WASHC5: variants seen among roughly 807,000 people sequenced by gnomAD.
WASHC5 encodes WASH complex subunit strumpellin.
WASHC5 carries 101 observed loss-of-function variants against 150.4 expected under a neutral mutation model. The ratio of observed to expected loss-of-function variants is 0.67; its 90% CI spans 0.57 to 0.79. The LOEUF is 0.79. Among genes scored for constraint, WASHC5 ranks in the 30% least tolerant of loss-of-function variants. The pLI, the probability that WASHC5 is intolerant of heterozygous loss-of-function variation, is 0.00. For synonymous variants in WASHC5, 467 were observed against 491.2 expected (o/e 0.95, Z 0.65); for missense variants, 1,195 against 1,396.3 (o/e 0.86, Z 2.30).
rs1333249404 is a variant in WASHC5 at position 125,037,414 on chromosome 8, TC to T, written c.3085-82del. The T allele has an allele frequency of 4.5e-6, 4 of 882,948 alleles. No homozygotes were observed. The Admixed American group carries it at 7.1e-5, about 16-fold the overall frequency. The allele number at this position is 882,948 out of a possible 1,614,324, so 54.7% of individuals were successfully genotyped here. A position where few individuals can be genotyped will look rare whatever the true frequency, so the allele number is the denominator to read the frequency against. On this transcript the variant is annotated intron_variant, in intron 25 of 28. Coordinates refer to ENST00000318410, the MANE Select transcript of WASHC5 (RefSeq NM_014846.4). ...AGAACAGGTTTCCAAATGAAAATCTTCCATTTTACTTCAATTTGCTCTTTGG... is the reference window on the plus strand; with the variant it reads ...AGAACAGGTTTCCAAATGAAAATCTTCATTTTACTTCAATTTGCTCTTTGG...
intron 2 of WASHC5, 88 bp from the exon 3 acceptor site, chr8:125,083,346 T>C: frequency 7.8e-7 from 1 of 1,277,430 alleles, no homozygotes; most frequent in Admixed American, 1.9e-5. Context: ...TTTGTTCTTA[T>C]GTTATTAGAC....
chr8:125,088,262 T>C (rs1817477572), intron 1 of WASHC5, among the ~76,000 whole-genome samples: 1 of 144,898 alleles, frequency 6.9e-6, no homozygotes, highest in Admixed American at 6.7e-5. Flanking sequence ...CCGGCTCTAC[T>C]AAAAATACAA....
intron 1 of WASHC5, among the ~76,000 whole-genome samples, chr8:125,090,666 C>G (rs1257413423): frequency 1.3e-5 from 2 of 152,202 alleles, no homozygotes; most frequent in East Asian, 3.8e-4. Flanking sequence ...CATCCTTACA[C>G]CAATTACCCT....
chr8:125,087,032 C>G (rs535490724), intron 1 of WASHC5, among the ~76,000 whole-genome samples: 2 of 152,170 alleles, frequency 1.3e-5, no homozygotes, highest in Admixed American at 6.5e-5. Context: ...TTCCCAATTC[C>G]TAATGCACAG....
rs2891636 is a variant in WASHC5, at chr8:125,082,257, A to G, written c.417+126T>C. ...ATATGGACCTGCCAGTTAGAAGATA[A>G]TTAAAAGCTCATTTCGCTTCTCTTT... On this transcript the variant is annotated intron_variant, in intron 4 of 28. Transcript: ENST00000318410. 0.07 allele frequency: 45,961 copies of G among 658,868 alleles called. 5,080 individuals carry two copies. The highest frequency in any genetic ancestry group is 0.38 in the African/African-American group (20,589 of 54,630). 40.8% of individuals were successfully genotyped at this position (658,868 alleles called of 1,614,324 possible). A position where few individuals can be genotyped will look rare whatever the true frequency, so the allele number is the denominator to read the frequency against.
chr8:125,033,014 C>A (rs1418636876), intron 26 of WASHC5, among the ~76,000 whole-genome samples: 1 of 151,936 alleles, frequency 6.6e-6, no homozygotes. Context: ...CACATTATAG[C>A]CTTGAATTCC....
At position 125,061,493 on chromosome 8, in the gene WASHC5, A is replaced by T. The variant is rs111638752; in HGVS notation, c.1409-299T>A. 0.026 allele frequency among the ~76,000 whole-genome samples: 4,000 copies of T among 152,250 alleles called. 181 individuals are homozygous for T. The highest frequency in any genetic ancestry group is 0.092 in the African/African-American group (3,830 of 41,530). ...AGAGTTGGAAAGGAACTGAAGGATG[A>T]CCCTAGTTACCAGGGAGAATTTTCT... On this transcript the variant is annotated intron_variant, in intron 11 of 28. Coordinates refer to ENST00000318410, the MANE Select transcript of WASHC5 (RefSeq NM_014846.4).
At chr8:125,071,433 C>T (rs1816892296) in intron 9 of WASHC5, among the ~76,000 whole-genome samples, 1 of 152,190 alleles carries the variant, frequency 6.6e-6, no homozygotes, top group African/African-American at 2.4e-5. Context: ...ATCCAATCTA[C>T]CTTAAATAAG....
At chr8:125,068,459 G>C (rs1232085759) in intron 9 of WASHC5, among the ~76,000 whole-genome samples, 1 of 152,160 alleles carries the variant, frequency 6.6e-6, no homozygotes, top group African/African-American at 2.4e-5. Context: ...CACTGGGAGA[G>C]GATGCTCGGA....
intron 1 of WASHC5, among the ~76,000 whole-genome samples, chr8:125,084,965 T>C (rs1050087392): frequency 2.8e-4 from 43 of 152,228 alleles, no homozygotes; most frequent in African/African-American, 9.9e-4. Context: ...AGAGAATGAC[T>C]GGTCTTATAG....
intron 1 of WASHC5, among the ~76,000 whole-genome samples, chr8:125,086,227 G>C (rs1354260239): frequency 6.6e-6 from 1 of 152,110 alleles, no homozygotes; most frequent in African/African-American, 2.4e-5. Context: ...GTGTTGGTAG[G>C]ACTGTTTTCT....
Position 125,049,131 on chromosome 8 carries a change from G to A in WASHC5, c.2254C>T (p.His752Tyr), listed in dbSNP as rs1009315882. The A allele has an allele frequency of 1.2e-6, 2 of 1,613,876 alleles. No homozygotes were observed. The highest frequency in any genetic ancestry group is 1.7e-5 in the Admixed American group (1 of 59,956). Residue 752 changes from histidine to tyrosine, a missense_variant, in exon 19 of 29, where the codon CAT (histidine) becomes TAT (tyrosine). Around this residue, in one of 3 missense-constraint regions of WASHC5, gnomAD observed 997 missense variants for 1,168.1 expected, o/e 0.85. Coordinates refer to ENST00000318410, the MANE Select transcript of WASHC5 (RefSeq NM_014846.4). ...KELGATMDGF[H>Y]RSFEYIQDYV... ...TCCTGTATGTATTCAAAAGAACGATGGAATCCATCCATGGTCGCTCCCAAC... is the reference window on the plus strand; with the variant it reads ...TCCTGTATGTATTCAAAAGAACGATAGAATCCATCCATGGTCGCTCCCAAC...
intron 14 of WASHC5, among the ~76,000 whole-genome samples, 160 bp downstream of exon 14, chr8:125,059,062 T>C (rs1440954486): frequency 6.6e-6 from 1 of 152,232 alleles, no homozygotes; most frequent in Non-Finnish European, 1.5e-5. Flanking sequence ...TCTTTGAAAT[T>C]ATGCTCTCGT....
intron 1 of WASHC5, among the ~76,000 whole-genome samples, chr8:125,085,667 T>C (rs530025783): frequency 2.0e-5 from 3 of 152,260 alleles, no homozygotes; most frequent in African/African-American, 7.2e-5. Flanking sequence ...AGACTCTCGA[T>C]AAAACTGCTT....
chr8:125,089,397 TA>T (rs375418868), intron 1 of WASHC5, among the ~76,000 whole-genome samples: 5 of 151,922 alleles, frequency 3.3e-5, no homozygotes, highest in African/African-American at 7.3e-5. Flanking sequence ...CTGATGACCT[TA>T]AAAAAAATCG....
At chr8:125,086,881 A>C (rs2130235903) in intron 1 of WASHC5, among the ~76,000 whole-genome samples, 1 of 152,360 alleles carries the variant, frequency 6.6e-6, no homozygotes, top group African/African-American at 2.4e-5. Flanking sequence ...AGCAGACAGC[A>C]GAAACTGAAG....
At chr8:125,047,135 T>C in intron 20 of WASHC5, 72 bp downstream of exon 20, 1 of 1,582,320 alleles carries the variant, frequency 6.3e-7, no homozygotes, top group Non-Finnish European at 8.7e-7. Flanking sequence ...ATAGGGGCTG[T>C]GCCACAGGGC....
At chr8:125,085,885 C>G (rs1200888646) in intron 1 of WASHC5, among the ~76,000 whole-genome samples, 2 of 152,204 alleles carry the variant, frequency 1.3e-5, no homozygotes, top group Non-Finnish European at 2.9e-5. Context: ...TTACATTCCC[C>G]TCTGCCCACA....
chr8:125,054,942 T>C (rs1816363429), intron 17 of WASHC5, among the ~76,000 whole-genome samples: 1 of 146,948 alleles, frequency 6.8e-6, no homozygotes, highest in East Asian at 2.0e-4. Flanking sequence ...CTAAGGAAAT[T>C]GAATTTTTTT....
Sources: gnomAD v4.1 joint callset for allele counts (sites outside exome capture counted in the v4.1 genomes callset) on GRCh38, gnomAD v4.1.1 for gene constraint, gnomAD v4.1.1 regional missense constraint, MANE v1.5 for transcripts, NCBI Gene and HGNC (gene_info 2026-07-23, HGNC 2026-07-21) for gene names.